Variants in PARD3B observed in about 807,000 individuals in gnomAD.
The protein encoded by PARD3B is partitioning defective 3 homolog B.
PARD3B carries 103 observed loss-of-function variants against 130.2 expected under a neutral mutation model. The observed-to-expected ratio is 0.79, with a 90% CI of 0.67 to 0.93. The LOEUF is 0.93. PARD3B is among the 40% of genes least tolerant of loss of function. PARD3B has a pLI of 0.00. For missense variants in PARD3B, 1,609 were observed against 1,499.2 expected (o/e 1.07, Z -1.21); for synonymous variants, 583 against 553.2 (o/e 1.05, Z -0.76).
At chr2:205,471,353 CTTTTTTTT>C (rs769669913) in intron 20 of PARD3B, among the ~76,000 whole-genome samples, 4 of 85,436 alleles carry the variant, frequency 4.7e-5, no homozygotes, top group Non-Finnish European at 9.3e-5. Context: ...ACTCACTTTT[CTTTTTTTT>C]TTTTTTTTTT....
Position 205,204,086 on chromosome 2 carries a change from C to T in PARD3B, c.2140+10766C>T, listed in dbSNP as rs547258183. The stretch of plus-strand genomic sequence containing the variant: ...TCCCACCAACAATGTAAAAGTATTC[C>T]TATTTCTCCACATCTTCTCCAGCAT... On this transcript the variant is annotated intron_variant, in intron 15 of 22. Transcript: ENST00000406610. Among the ~76,000 whole-genome samples, 16 of 152,290 alleles carry T rather than the reference C, an allele frequency of 1.1e-4. No homozygotes were observed. The South Asian group carries it at 3.3e-3, about 32-fold the overall frequency.
At chr2:204,903,909 T>G (rs900062713) in intron 2 of PARD3B, among the ~76,000 whole-genome samples, 3 of 152,174 alleles carry the variant, frequency 2.0e-5, no homozygotes, top group African/African-American at 7.2e-5. Flanking sequence ...TTATTCATTA[T>G]GCTGTCAATG....
At position 205,612,620 on chromosome 2, in the gene PARD3B, A is replaced by G. The variant is rs182203965; in HGVS notation, c.3261-2836A>G. The stretch of plus-strand genomic sequence containing the variant: ...TCTTCTAGCACTCTTTGAACCTTAA[A>G]CAGTGTTTTAGTAGGCCAACTCATT... On this transcript the variant is annotated intron_variant, in intron 22 of 22. Coordinates refer to ENST00000406610, the MANE Select transcript of PARD3B (RefSeq NM_001302769.2). Among the ~76,000 whole-genome samples the G allele has an allele frequency of 2.6e-5, 4 of 152,272 alleles. No individual in the cohort carries two copies. The East Asian group carries it at 7.7e-4, about 29-fold the overall frequency.
chr2:205,466,109 T>C (rs2048613243), intron 20 of PARD3B, among the ~76,000 whole-genome samples: 1 of 152,206 alleles, frequency 6.6e-6, no homozygotes, highest in African/African-American at 2.4e-5. Flanking sequence ...GCCTGAGTTG[T>C]GCATTTCTAA....
chr2:204,809,145 T>C (rs573743372), intron 2 of PARD3B, among the ~76,000 whole-genome samples: 1 of 152,236 alleles, frequency 6.6e-6, no homozygotes, highest in South Asian at 2.1e-4. Flanking sequence ...CTTGTAAATT[T>C]GTTTAAGTTC....
chr2:204,593,154 G>A (rs1011433914), intron 1 of PARD3B, among the ~76,000 whole-genome samples: 4 of 86,228 alleles, frequency 4.6e-5, no homozygotes, highest in East Asian at 1.1e-3. Flanking sequence ...ATCTATGTAC[G>A]TTTCATGTAA....
chr2:205,215,342 A>G (rs2037853076), intron 15 of PARD3B, among the ~76,000 whole-genome samples: 1 of 151,988 alleles, frequency 6.6e-6, no homozygotes, highest in African/African-American at 2.4e-5. Context: ...CAACATTCTT[A>G]AAATAGGATT....
chr2:205,131,925 C>T (rs373804263), intron 10 of PARD3B, among the ~76,000 whole-genome samples: 5 of 151,988 alleles, frequency 3.3e-5, no homozygotes, highest in Non-Finnish European at 5.9e-5. Context: ...ACCTGGAATC[C>T]GTCACACCTG....
intron 15 of PARD3B, among the ~76,000 whole-genome samples, chr2:205,206,683 G>T (rs1298950665): frequency 2.0e-5 from 3 of 151,952 alleles, no homozygotes; most frequent in African/African-American, 4.8e-5. Context: ...ACATACGTGT[G>T]CATGTGTCTT....
chr2:204,782,409 A>G (rs1462065132), intron 2 of PARD3B, among the ~76,000 whole-genome samples: 1 of 151,660 alleles, frequency 6.6e-6, no homozygotes, highest in Non-Finnish European at 1.5e-5. Context: ...TTCATGTCAC[A>G]TGTATGTATT....
intron 2 of PARD3B, among the ~76,000 whole-genome samples, chr2:204,707,513 A>C (rs1372028603): frequency 6.6e-6 from 1 of 152,190 alleles, no homozygotes; most frequent in African/African-American, 2.4e-5. Context: ...CAGTGTGCCT[A>C]GATATATCTA....
At chr2:204,832,820 G>C (rs1404775886) in intron 2 of PARD3B, among the ~76,000 whole-genome samples, 1 of 152,056 alleles carries the variant, frequency 6.6e-6, no homozygotes, top group East Asian at 1.9e-4. Flanking sequence ...CCAACTGATA[G>C]GTATTAATTG....
At chr2:204,684,265 G>A (rs192222332) in intron 1 of PARD3B, among the ~76,000 whole-genome samples, 67 of 152,144 alleles carry the variant, frequency 4.4e-4, no homozygotes, top group African/African-American at 1.6e-3. Context: ...CTGCTTTTAA[G>A]TACAAATATA....
At chr2:205,022,125 T>C (rs1696657726) in intron 3 of PARD3B, among the ~76,000 whole-genome samples, 1 of 152,204 alleles carries the variant, frequency 6.6e-6, no homozygotes, top group African/African-American at 2.4e-5. Context: ...CAGTTAGTTA[T>C]ATTTTAAATG....
chr2:204,719,420 A>T (rs1195028657), intron 2 of PARD3B, among the ~76,000 whole-genome samples: 1 of 152,234 alleles, frequency 6.6e-6, no homozygotes, highest in Non-Finnish European at 1.5e-5. Flanking sequence ...AATTTAAGTA[A>T]TGAAAATCTT....
chr2:204,654,591 A>G lies in PARD3B; in HGVS notation c.121-31590A>G, dbSNP rs183574519. Among the ~76,000 whole-genome samples the G allele has an allele frequency of 4.4e-4, 67 of 152,242 alleles. 1 individual carries two copies. The highest frequency in any genetic ancestry group is 1.6e-3 in the African/African-American group (66 of 41,554). On this transcript the variant is annotated intron_variant, in intron 1 of 22. Transcript: ENST00000406610. The stretch of plus-strand genomic sequence containing the variant: ...TGATAGGGCAGTGTTTTTTATATCC[A>G]TATAGTGGATTTTAGTTTTTCACTG...
intron 3 of PARD3B, among the ~76,000 whole-genome samples, chr2:204,986,954 A>G (rs190575420): frequency 2.6e-5 from 4 of 152,284 alleles, no homozygotes; most frequent in Non-Finnish European, 5.9e-5. Flanking sequence ...TTACCAGGAG[A>G]AAATGTTTCT....
At position 205,281,012 on chromosome 2, in the gene PARD3B, G is replaced by C. The variant is rs971015730; in HGVS notation, c.2186-19518G>C. ...TTAACTTTACTTATGAGCAAAGGCT[G>C]AAACACTGTGAAAGCCTTTTTATTA... On this transcript the variant is annotated intron_variant, in intron 16 of 22. Transcript: ENST00000406610. The surrounding 1 kb of genome is among the most constrained non-coding windows in gnomAD (Gnocchi z 4.2). Among the ~76,000 whole-genome samples, 2 of 152,170 alleles carry C rather than the reference G, an allele frequency of 1.3e-5. No individual in the cohort carries two copies. Among genetic ancestry groups the C allele is most frequent in the Admixed American group, 6.6e-5 (1 of 15,264 alleles).
chr2:204,546,029 G>A lies in PARD3B; in HGVS notation c.30G>A (p.Thr10=), dbSNP rs749632216. The change falls in exon 1 of 23, where the codon ACG becomes ACA. Residue 10 remains threonine (T), a synonymous_variant. Transcript: ENST00000406610. ...AAGTGACCGTGTGCTTCGGCAGGACGGGCATCGTGGTGCCCTGCAAGGAGG... is the reference window on the plus strand; with the variant it reads ...AAGTGACCGTGTGCTTCGGCAGGACAGGCATCGTGGTGCCCTGCAAGGAGG... The part of the protein sequence containing the change: MKVTVCFGR[T]GIVVPCKEGQ... The A allele has an allele frequency of 1.9e-6, 3 of 1,567,668 alleles. No homozygotes were observed. The highest frequency in any genetic ancestry group is 2.6e-6 in the Non-Finnish European group (3 of 1,155,578).
Sources: gnomAD v4.1 joint callset for allele counts (sites outside exome capture counted in the v4.1 genomes callset) on GRCh38, gnomAD v4.1.1 for gene constraint, Gnocchi (gnomAD v3.1) non-coding constraint, MANE v1.5 for transcripts, NCBI Gene and HGNC (gene_info 2026-07-23, HGNC 2026-07-21) for gene names.